Variants in RBFOX1 observed in about 807,000 individuals in gnomAD.
RBFOX1 encodes the protein RNA binding fox-1 homolog 1.
RBFOX1 carries 8 observed loss-of-function variants against 57.7 expected under a neutral mutation model. The observed-to-expected ratio is 0.14, with a 90% CI of 0.08 to 0.25. The LOEUF is 0.25. Among genes scored for constraint, RBFOX1 ranks in the 10% least tolerant of loss-of-function variants. The probability of loss-of-function intolerance (pLI) is 1.00; values close to 1 mark genes in which losing one functional copy is unlikely to be tolerated. For synonymous variants in RBFOX1, 326 were observed against 222.4 expected, an observed-to-expected ratio of 1.47 and a Z score of -4.15; for missense variants, 611 against 548.5, an observed-to-expected ratio of 1.11 and a Z score of -1.14.
At chr16:6,806,077 T>C (rs780668689) in intron 3 of RBFOX1, among the ~76,000 whole-genome samples, 3 of 152,184 alleles carry the variant, frequency 2.0e-5, no homozygotes, top group Admixed American at 1.3e-4. Context: ...TGGAGAAGTA[T>C]ATGGTTCACA....
intron 2 of RBFOX1, among the ~76,000 whole-genome samples, chr16:6,633,239 C>T (rs1374446699): frequency 6.6e-6 from 1 of 152,080 alleles, no homozygotes; most frequent in Non-Finnish European, 1.5e-5. Flanking sequence ...AAACAGTCCT[C>T]TCCAATAGGT....
intron 1 of RBFOX1, among the ~76,000 whole-genome samples, chr16:5,361,853 C>G (rs1392827689): frequency 1.3e-5 from 2 of 152,192 alleles, no homozygotes; most frequent in South Asian, 2.1e-4. Context: ...TGAGGCTAGC[C>G]TATGGGCCTC....
intron 1 of RBFOX1, among the ~76,000 whole-genome samples, chr16:6,119,156 C>G (rs1401292443): frequency 1.3e-5 from 2 of 151,810 alleles, no homozygotes; most frequent in African/African-American, 4.8e-5. Context: ...CACCATGTTT[C>G]TTAGATGGGG....
At chr16:6,690,382 C>G (rs925567698) in intron 3 of RBFOX1, among the ~76,000 whole-genome samples, 1 of 151,658 alleles carries the variant, frequency 6.6e-6, no homozygotes, top group Non-Finnish European at 1.5e-5. Flanking sequence ...CCATTCGTGA[C>G]AAAAATTCAT....
At chr16:6,226,577 A>G (rs1365555938) in intron 1 of RBFOX1, among the ~76,000 whole-genome samples, 2 of 152,062 alleles carry the variant, frequency 1.3e-5, no homozygotes, top group African/African-American at 4.8e-5. Flanking sequence ...GGTTTTTGAT[A>G]TATTATGGAT....
intron 1 of RBFOX1, among the ~76,000 whole-genome samples, chr16:6,056,275 G>C (rs1296276923): frequency 6.6e-6 from 1 of 152,168 alleles, no homozygotes. Flanking sequence ...AAGGAAATTT[G>C]ACATTTAGCT....
chr16:5,521,736 C>T (rs942637329), intron 2 of RBFOX1, among the ~76,000 whole-genome samples: 1 of 152,244 alleles, frequency 6.6e-6, no homozygotes. Flanking sequence ...GGACAATGAT[C>T]TCCTGTTCAC....
chr16:7,435,175 C>T (rs902280119), intron 4 of RBFOX1, among the ~76,000 whole-genome samples: 4 of 152,064 alleles, frequency 2.6e-5, no homozygotes, highest in Non-Finnish European at 5.9e-5. Context: ...CAATTAATTG[C>T]CATGTCTTCT....
At chr16:7,554,670 T>G (rs1375584004) in intron 5 of RBFOX1, among the ~76,000 whole-genome samples, 1 of 152,182 alleles carries the variant, frequency 6.6e-6, no homozygotes, top group African/African-American at 2.4e-5. Flanking sequence ...TTAATTTTTT[T>G]ATTTTTAAGC....
intron 4 of RBFOX1, among the ~76,000 whole-genome samples, chr16:5,891,730 G>A (rs1045510729): frequency 2.0e-5 from 3 of 152,144 alleles, no homozygotes; most frequent in Non-Finnish European, 2.9e-5. Flanking sequence ...CAGTGAGAAA[G>A]GGCTGTGGGG....
intron 3 of RBFOX1, among the ~76,000 whole-genome samples, chr16:7,021,568 AT>A (rs1174580328): frequency 1.4e-5 from 2 of 145,668 alleles, no homozygotes; most frequent in Non-Finnish European, 3.0e-5. Context: ...AATATATTAT[AT>A]TTTATAAAAT....
At chr16:5,619,304 C>A (rs894952497) in intron 3 of RBFOX1, among the ~76,000 whole-genome samples, 5 of 152,138 alleles carry the variant, frequency 3.3e-5, no homozygotes, top group African/African-American at 1.2e-4. Flanking sequence ...GAACTCTGAC[C>A]CTGGAACGGA....
At chr16:6,152,914 C>A (rs7192664) in intron 1 of RBFOX1, among the ~76,000 whole-genome samples, 2 of 151,894 alleles carry the variant, frequency 1.3e-5, no homozygotes, top group Admixed American at 1.3e-4. Context: ...GGAAATAAGT[C>A]GATGGTTTTA....
intron 4 of RBFOX1, among the ~76,000 whole-genome samples, chr16:7,105,799 T>C (rs1253070957): frequency 6.6e-6 from 1 of 152,070 alleles, no homozygotes; most frequent in East Asian, 1.9e-4. Flanking sequence ...GATAGATAGA[T>C]AGAGATATCA....
intron 3 of RBFOX1, among the ~76,000 whole-genome samples, chr16:6,811,784 G>T (rs1355892664): frequency 6.6e-6 from 1 of 152,160 alleles, no homozygotes; most frequent in African/African-American, 2.4e-5. Context: ...AACTACTGGG[G>T]AGGCTGAGGC....
intron 3 of RBFOX1, among the ~76,000 whole-genome samples, chr16:6,656,676 A>C (rs973391183): frequency 6.6e-6 from 1 of 151,990 alleles, no homozygotes; most frequent in Non-Finnish European, 1.5e-5. Flanking sequence ...ATAATGTCAA[A>C]TGAAGCCTTG....
intron 3 of RBFOX1, among the ~76,000 whole-genome samples, chr16:6,721,451 C>A (rs1297223359): frequency 6.6e-6 from 1 of 152,136 alleles, no homozygotes; most frequent in East Asian, 1.9e-4. Flanking sequence ...TCAAAAACAA[C>A]AACAACAAAA....
chr16:6,875,792 G>A (rs1374336813), intron 3 of RBFOX1, among the ~76,000 whole-genome samples: 1 of 152,090 alleles, frequency 6.6e-6, no homozygotes, highest in South Asian at 2.1e-4. Context: ...ATTATTTGAG[G>A]CCAGGAGTTC....
At chr16:7,708,337 G>C (rs901950429) in intron 14 of RBFOX1, among the ~76,000 whole-genome samples, 1 of 152,122 alleles carries the variant, frequency 6.6e-6, no homozygotes, top group Non-Finnish European at 1.5e-5. Flanking sequence ...GCCTATACCA[G>C]AAGCCATGGC....
Sources: allele counts gnomAD v4.1 joint callset (sites outside exome capture counted in the v4.1 genomes callset), GRCh38; gene constraint gnomAD v4.1.1; transcripts MANE v1.5; gene names NCBI Gene and HGNC (gene_info 2026-07-23, HGNC 2026-07-21).